Variants in ARID4B observed in about 807,000 individuals in gnomAD.
The protein encoded by ARID4B is AT-rich interaction domain 4B.
In ARID4B, 26 loss-of-function variants were observed where a neutral mutation model predicts 147.5. That is an observed-to-expected ratio of 0.18 (90% CI 0.13 to 0.24). The LOEUF is 0.24. Among genes scored for constraint, ARID4B ranks in the 10% least tolerant of loss-of-function variants. ARID4B has a pLI of 1.00. For synonymous variants in ARID4B, 512 were observed against 507.9 expected, an observed-to-expected ratio of 1.01 and a Z score of -0.11; for missense variants, 1,179 against 1,511.5, an observed-to-expected ratio of 0.78 and a Z score of 3.65.
intron 2 of ARID4B, among the ~76,000 whole-genome samples, chr1:235,319,024 C>T (rs763598718): frequency 2.0e-5 from 3 of 151,952 alleles, no homozygotes. Flanking sequence ...GGATAAGTAA[C>T]GTGCCTGAAG....
chr1:235,220,178 T>G, intron 15 of ARID4B, 124 bp downstream of exon 15: 1 of 958,864 alleles, frequency 1.0e-6, no homozygotes, highest in Non-Finnish European at 1.4e-6. Flanking sequence ...AAAGTAGCAC[T>G]TAATGAAGAA....
chr1:235,268,762 C>T (rs190167050), intron 2 of ARID4B, among the ~76,000 whole-genome samples: 110 of 152,216 alleles, frequency 7.2e-4, no homozygotes, highest in African/African-American at 2.3e-3. Context: ...GTGATCCACC[C>T]GCCTCGGCCC....
intron 12 of ARID4B, among the ~76,000 whole-genome samples, chr1:235,224,353 G>A (rs2103033311): frequency 1.3e-5 from 2 of 152,290 alleles, no homozygotes; most frequent in Middle Eastern, 6.8e-3. Flanking sequence ...AATAAGCTGA[G>A]CCAAGGCTCA....
chr1:235,247,818 G>A (rs758813803), intron 6 of ARID4B, among the ~76,000 whole-genome samples: 3 of 151,770 alleles, frequency 2.0e-5, no homozygotes, highest in African/African-American at 7.3e-5. Context: ...GAGAAACCCC[G>A]TCTCTACTAA....
intron 4 of ARID4B, among the ~76,000 whole-genome samples, chr1:235,256,712 T>C (rs1670013328): frequency 6.6e-6 from 1 of 152,232 alleles, no homozygotes; most frequent in Non-Finnish European, 1.5e-5. Context: ...CAGATCATCG[T>C]GGAACTGACA....
chr1:235,293,116 T>C (rs968611790), intron 2 of ARID4B, among the ~76,000 whole-genome samples: 2 of 152,202 alleles, frequency 1.3e-5, no homozygotes, highest in South Asian at 4.1e-4. Flanking sequence ...CATTATGCTT[T>C]AGTAATCTCA....
intron 12 of ARID4B, 93 bp from the exon 13 acceptor site, chr1:235,223,353 T>TTATATATATATACATGTATATATA (rs1667592708): frequency 7.8e-6 from 2 of 256,856 alleles, no homozygotes; most frequent in Non-Finnish European, 1.3e-5. Flanking sequence ...TTATAGTATT[T>TTATATATATATACATGTATATATA]TATATATATA....
At chr1:235,261,276 T>C (rs901440638) in intron 2 of ARID4B, among the ~76,000 whole-genome samples, 7 of 152,070 alleles carry the variant, frequency 4.6e-5, no homozygotes, top group Non-Finnish European at 8.8e-5. Flanking sequence ...TCCCAGAACT[T>C]TGGAAGGCCA....
In ARID4B at chr1:235,229,307, G is replaced by C. The variant is rs1326326121; in HGVS notation, c.821C>G (p.Ser274Cys). ...CTCTTCTTCCTCTGCTTCACTGCTA[G>C]AGCTATCTTCTTTCAATTCAGTCTT... ...NWKTELKEDS[S>C]SSEAEEEEEE... The change falls in exon 11 of 24, where the codon TCT becomes TGT. Residue 274 changes from serine (S) to cysteine (C), a missense_variant. Ser to Cys is a moderately radical substitution (Grantham distance 112). This residue lies in a region of ARID4B where 159 missense variants were observed against 190.5 expected (regional missense o/e 0.83). Coordinates refer to ENST00000264183, the MANE Select transcript of ARID4B (RefSeq NM_016374.6). 1 of 1,613,452 alleles carries C rather than the reference G, an allele frequency of 6.2e-7. No individual in the cohort carries two copies. Among genetic ancestry groups the C allele is most frequent in the East Asian group, 2.2e-5 (1 of 44,794 alleles).
chr1:235,195,018 G>C (rs972691241), intron 18 of ARID4B, among the ~76,000 whole-genome samples: 2 of 151,960 alleles, frequency 1.3e-5, no homozygotes, highest in Non-Finnish European at 2.9e-5. Context: ...GATAAGCAAA[G>C]GCCGATATAT....
At chr1:235,251,945 T>C (rs1258415593) in intron 6 of ARID4B, among the ~76,000 whole-genome samples, 2 of 152,216 alleles carry the variant, frequency 1.3e-5, no homozygotes, top group African/African-American at 4.8e-5. Flanking sequence ...AAGTGCTGGT[T>C]AGAAAACCAG....
intron 8 of ARID4B, among the ~76,000 whole-genome samples, chr1:235,238,675 G>A (rs1221942378): frequency 6.6e-6 from 1 of 152,082 alleles, no homozygotes; most frequent in Non-Finnish European, 1.5e-5. Context: ...GGGCAGCATA[G>A]GGAGACCTCG....
chr1:235,225,970 GT>G (rs57114354), intron 11 of ARID4B, among the ~76,000 whole-genome samples: 45 of 152,160 alleles, frequency 3.0e-4, no homozygotes, highest in African/African-American at 1.0e-3. Flanking sequence ...ATACATTCAG[GT>G]TTTGGTAAGG....
chr1:235,172,208 G>T (rs1044350019), intron 23 of ARID4B, among the ~76,000 whole-genome samples: 1 of 152,116 alleles, frequency 6.6e-6, no homozygotes, highest in South Asian at 2.1e-4. Flanking sequence ...AGAAATTAAA[G>T]AATTTGCCTG....
chr1:235,236,606 C>A (rs188971663), intron 8 of ARID4B, among the ~76,000 whole-genome samples: 63 of 150,512 alleles, frequency 4.2e-4, no homozygotes, highest in Admixed American at 8.6e-4. Context: ...CTCCACCTCC[C>A]GTGTTCAAGC....
intron 23 of ARID4B, among the ~76,000 whole-genome samples, chr1:235,169,637 G>A (rs1011883718): frequency 3.3e-5 from 5 of 151,030 alleles, no homozygotes; most frequent in African/African-American, 4.9e-5. Context: ...CCAGGTTCAC[G>A]CCATTCTCCT....
At chr1:235,300,236 C>CA (rs1486050135) in intron 2 of ARID4B, among the ~76,000 whole-genome samples, 1 of 151,906 alleles carries the variant, frequency 6.6e-6, no homozygotes, top group Non-Finnish European at 1.5e-5. Context: ...GCCAACATGG[C>CA]AAAACCCCAT....
intron 16 of ARID4B, among the ~76,000 whole-genome samples, chr1:235,219,167 C>T (rs1435778514): frequency 6.6e-6 from 1 of 151,922 alleles, no homozygotes; most frequent in African/African-American, 2.4e-5. Flanking sequence ...ACCTGGCCTG[C>T]TAAATGATTT....
In ARID4B at chr1:235,326,721, C is replaced by T. The variant is rs554462520; in HGVS notation, c.6+193G>A. ...GGAGAATCATCTTCAGTTGAGACAT[C>T]CTATAACTGCCTCCAACTCCACAGC... On this transcript the variant is annotated intron_variant, in intron 2 of 23. Transcript: ENST00000264183. The T allele has an allele frequency of 4.0e-4, 260 of 652,184 alleles. 1 individual carries two copies. The African/African-American group carries it at 4.3e-3, about 11-fold the overall frequency. The allele number at this position is 652,184 out of a possible 1,614,324, so 40.4% of individuals were successfully genotyped here.
Sources: allele counts gnomAD v4.1 joint callset (sites outside exome capture counted in the v4.1 genomes callset), GRCh38; gene constraint gnomAD v4.1.1; regional missense constraint gnomAD v4.1.1; transcripts MANE v1.5; gene names NCBI Gene and HGNC (gene_info 2026-07-23, HGNC 2026-07-21).